The following NFATC2 variants were observed in gnomAD, a reference collection of about 807,000 sequenced individuals.
NFATC2 encodes nuclear factor of activated T cells 2.
In NFATC2, 22 loss-of-function variants were observed where a neutral mutation model predicts 87.3. That is an observed-to-expected ratio of 0.25 (90% confidence interval 0.18 to 0.36). NFATC2 has a LOEUF of 0.36. Ranked by LOEUF, NFATC2 falls within the 10% of genes least tolerant of loss-of-function variation. NFATC2 has a pLI of 1.00. For missense variants in NFATC2, 1,149 were observed against 1,259.1 expected (o/e 0.91, Z 1.32); for synonymous variants, 565 against 542.2 (o/e 1.04, Z -0.58).
intron 3 of NFATC2, among the ~76,000 whole-genome samples, chr20:51,481,545 C>T (rs1433299782): frequency 6.6e-6 from 1 of 152,038 alleles, no homozygotes; most frequent in Non-Finnish European, 1.5e-5. Flanking sequence ...GAAAAGGTTC[C>T]AGGAAGAAGC....
intron 3 of NFATC2, among the ~76,000 whole-genome samples, chr20:51,485,828 A>T (rs1048640761): frequency 6.6e-6 from 1 of 152,114 alleles, no homozygotes; most frequent in Non-Finnish European, 1.5e-5. Context: ...ATTAACTTTC[A>T]TTCATATTTT....
chr20:51,416,363 C>T (rs573892546), intron 9 of NFATC2, among the ~76,000 whole-genome samples: 1 of 152,330 alleles, frequency 6.6e-6, no homozygotes, highest in South Asian at 2.1e-4. Flanking sequence ...CTCAGAGGAC[C>T]TGCCGGCTCT....
chr20:51,523,470 G>A lies in NFATC2; in HGVS notation c.771C>T (p.Ala257=), dbSNP rs1475453712. The change falls in exon 2 of 11, where the codon GCC becomes GCT. Residue 257 remains alanine, a synonymous_variant. Transcript: ENST00000371564. This position sits in a 1 kb window ranked among gnomAD's most constrained non-coding sequence, Gnocchi z 6.9. ...SPGAKRRHSC[A]EALVALPPGA... ...CGGGCGGCAGGGCAACCAAGGCCTC[G>A]GCGCACGAATGCCTCCGCTTGGCAC... 7 of 1,610,524 alleles carry A rather than the reference G, an allele frequency of 4.3e-6. No homozygotes were observed. Among genetic ancestry groups the A allele is most frequent in the East Asian group, 2.2e-5 (1 of 44,810 alleles).
intron 5 of NFATC2, among the ~76,000 whole-genome samples, chr20:51,468,849 T>G (rs923547950): frequency 6.6e-6 from 1 of 152,118 alleles, no homozygotes; most frequent in Non-Finnish European, 1.5e-5. Context: ...AACAGGGGCC[T>G]TGGATGAGGA....
At position 51,475,490 on chromosome 20, in the gene NFATC2, T is replaced by G. The variant is rs6013193; in HGVS notation, c.1503A>C (p.Ile501=). 769,824 of 1,613,548 alleles carry G rather than the reference T, an allele frequency of 0.48. 188,046 individuals are homozygous for G. The highest frequency in any genetic ancestry group is 0.75 in the African/African-American group (55,810 of 74,842). The change falls in exon 4 of 11, where the codon ATA becomes ATC. Residue 501 remains isoleucine, a synonymous_variant. Transcript: ENST00000371564. ...KIVGNTKVLE[I]PLEPKNNMRA... The stretch of plus-strand genomic sequence containing the variant: ...TCATGTTGTTTTTGGGCTCCAAGGG[T>G]ATCTCCAGGACTTTGGTGTTGCCCA...
rs1165747032 is a variant in NFATC2, at chr20:51,388,378, CA to C, written c.*3117del. The C allele has an allele frequency of 6.6e-6, 1 of 152,102 alleles. No homozygotes were observed. Among genetic ancestry groups the C allele is most frequent in the Non-Finnish European group, 1.5e-5 (1 of 68,034 alleles). The allele number at this position is 152,102 out of a possible 1,614,324, so 9.4% of individuals were successfully genotyped here. A position where few individuals can be genotyped will look rare whatever the true frequency, so the allele number is the denominator to read the frequency against. ...AAGGTGATTCCTTCTTCCACAAAGCCATTCCTTCTCCTGAGATGCCATCTTC... is the reference window on the plus strand; with the variant it reads ...AAGGTGATTCCTTCTTCCACAAAGCCTTCCTTCTCCTGAGATGCCATCTTC... On this transcript the variant is annotated 3_prime_UTR_variant, in exon 11 of 11. Transcript: ENST00000371564.
At chr20:51,538,106 C>T (rs1227481984) in intron 1 of NFATC2, among the ~76,000 whole-genome samples, 1 of 152,054 alleles carries the variant, frequency 6.6e-6, no homozygotes, top group African/African-American at 2.4e-5. Context: ...TATTCCTGAG[C>T]TTAGAAAAGG....
intron 3 of NFATC2, among the ~76,000 whole-genome samples, chr20:51,481,919 T>C (rs144011175): frequency 3.0e-3 from 457 of 152,274 alleles, no homozygotes; most frequent in Non-Finnish European, 5.4e-3. Flanking sequence ...ACATAGCTAA[T>C]GTAATCTCCA....
intron 1 of NFATC2, among the ~76,000 whole-genome samples, chr20:51,559,719 AGG>A (rs2077005720): frequency 6.6e-6 from 1 of 152,250 alleles, no homozygotes; most frequent in African/African-American, 2.4e-5. Context: ...CATCTAGGGC[AGG>A]AATTGAGCAC....
intron 3 of NFATC2, among the ~76,000 whole-genome samples, chr20:51,491,443 A>G (rs1205206637): frequency 1.3e-5 from 2 of 152,208 alleles, no homozygotes; most frequent in African/African-American, 4.8e-5. Context: ...GTAGACCAGG[A>G]AATATTCAAC....
At chr20:51,537,469 C>T (rs1394320184) in intron 1 of NFATC2, among the ~76,000 whole-genome samples, 1 of 152,052 alleles carries the variant, frequency 6.6e-6, no homozygotes, top group Non-Finnish European at 1.5e-5. Context: ...TTCTGAAAGG[C>T]CGAAGTTGGT....
intron 9 of NFATC2, among the ~76,000 whole-genome samples, chr20:51,426,535 T>C (rs1408846039): frequency 1.3e-5 from 2 of 152,138 alleles, no homozygotes; most frequent in Admixed American, 6.6e-5. Context: ...ATCCCTTTTA[T>C]TGACATGCAC....
chr20:51,549,633 C>A (rs1817586980), intron 1 of NFATC2, among the ~76,000 whole-genome samples: 2 of 152,224 alleles, frequency 1.3e-5, no homozygotes, highest in Non-Finnish European at 2.9e-5. Context: ...CACTCTGTGA[C>A]CTTTAAGCAA....
At chr20:51,488,964 G>C (rs905221809) in intron 3 of NFATC2, among the ~76,000 whole-genome samples, 1 of 152,216 alleles carries the variant, frequency 6.6e-6, no homozygotes, top group Non-Finnish European at 1.5e-5. Context: ...CAAGGCAGGC[G>C]GATCACTTGA....
intron 9 of NFATC2, among the ~76,000 whole-genome samples, chr20:51,431,535 C>T (rs2053830775): frequency 6.6e-6 from 1 of 152,210 alleles, no homozygotes; most frequent in South Asian, 2.1e-4. Flanking sequence ...GTTCCACGAG[C>T]ACAGGGTAGA....
chr20:51,474,214 C>G (rs1988505531), intron 4 of NFATC2, 62 bp from the exon 5 acceptor site: 5 of 1,579,222 alleles, frequency 3.2e-6, no homozygotes, highest in Non-Finnish European at 4.3e-6. Context: ...AAGATCACCC[C>G]CAAAGCTGCC....
chr20:51,517,352 G>A (rs1254181129), intron 2 of NFATC2, among the ~76,000 whole-genome samples: 1 of 152,124 alleles, frequency 6.6e-6, no homozygotes, highest in Non-Finnish European at 1.5e-5. Flanking sequence ...ACTTTGGGAA[G>A]ACAACATGGG....
chr20:51,545,071 C>A (rs1422258604), upstream of NFATC2, among the ~76,000 whole-genome samples: 1 of 152,164 alleles, frequency 6.6e-6, no homozygotes, highest in Non-Finnish European at 1.5e-5. Context: ...AGACAGGTAT[C>A]TAGAAAGAGA....
At position 51,433,197 on chromosome 20, in the gene NFATC2, G is replaced by A. The variant is rs139433435; in HGVS notation, c.2033-441C>T. On this transcript the variant is annotated intron_variant, in intron 8 of 10. Coordinates refer to ENST00000371564, the MANE Select transcript of NFATC2 (RefSeq NM_012340.5). ...ACATGCTGATTTATTACCTAAATACGCCCTGCCTCCAAATGTCAGCTCCTC... is the reference window on the plus strand; with the variant it reads ...ACATGCTGATTTATTACCTAAATACACCCTGCCTCCAAATGTCAGCTCCTC... Among the ~76,000 whole-genome samples, 4 of 152,102 alleles carry A rather than the reference G, an allele frequency of 2.6e-5. No homozygotes were observed. The South Asian group carries it at 6.2e-4, about 24-fold the overall frequency.
Sources: gnomAD v4.1 joint callset for allele counts (sites outside exome capture counted in the v4.1 genomes callset) on GRCh38, gnomAD v4.1.1 for gene constraint, Gnocchi (gnomAD v3.1) non-coding constraint, MANE v1.5 for transcripts, NCBI Gene and HGNC (gene_info 2026-07-23, HGNC 2026-07-21) for gene names.